The following PDZD4 variants were observed in gnomAD, a reference collection of about 807,000 sequenced individuals.
The protein encoded by PDZD4 is PDZ domain containing 4, also known as PDZ domain-containing protein 4.
A neutral mutation model predicts 38.5 loss-of-function variants in PDZD4; 9 were observed. The observed-to-expected ratio is 0.23, with a 90% CI of 0.14 to 0.41. PDZD4 has a LOEUF of 0.41. Ranked by LOEUF, PDZD4 falls within the 10% of genes least tolerant of loss-of-function variation. The probability of loss-of-function intolerance (pLI) is 1.00; values close to 1 mark genes in which losing one functional copy is unlikely to be tolerated. For missense variants in PDZD4, 612 were observed against 722.0 expected, an observed-to-expected ratio of 0.85 and a Z score of 1.75; for synonymous variants, 349 against 315.7, an observed-to-expected ratio of 1.11 and a Z score of -1.12.
chrX:153,806,772 G>C lies in PDZD4; in HGVS notation c.474C>G (p.Asp158Glu), dbSNP rs374407815. Residue 158 changes from aspartate to glutamate, a missense_variant, in exon 4 of 8, where the codon GAC (aspartate) becomes GAG (glutamate). Transcript: ENST00000393758. ...LGLMVCYRTD[D>E]EEDLGIYVGE... ...CGACATAAATGCCCAGGTCCTCCTCGTCGTCCGTGCGGTAGCAAACCATCA... is the reference window on the plus strand; with the variant it reads ...CGACATAAATGCCCAGGTCCTCCTCCTCGTCCGTGCGGTAGCAAACCATCA... The C allele has an allele frequency of 1.7e-6, 2 of 1,209,312 alleles. No individual in the cohort carries two copies. The highest frequency in any genetic ancestry group is 5.9e-5 in the East Asian group (2 of 33,750).
chrX:153,824,999 AAAC>A (rs782135132), intron 1 of PDZD4, among the ~76,000 whole-genome samples: 8 of 111,839 alleles, frequency 7.2e-5, no homozygotes, highest in Admixed American at 1.9e-4. Context: ...ACTCTGTCTC[AAAC>A]AACAACAACA....
chrX:153,803,413 G>A lies in PDZD4; in HGVS notation c.2268C>T (p.Gly756=). 1 of 1,144,839 alleles carries A rather than the reference G, an allele frequency of 8.7e-7. No homozygotes were observed. The highest frequency in any genetic ancestry group is 1.2e-6 in the Non-Finnish European group (1 of 864,607). The allele number at this position is 1,144,839 out of a possible 1,213,427, so 94.3% of individuals were successfully genotyped here. Residue 756 remains glycine, a synonymous_variant, in exon 8 of 8, where the codon GGC becomes GGT. Coordinates refer to ENST00000393758, the MANE Select transcript of PDZD4 (RefSeq NM_001303512.2). ...CCCGCTTGCCATCGGCGGAGCGCGC[G>A]CCGTGGGCCAGCATCTCCTGGATGG... ...WITIQEMLAH[G]ARSADGKRVY...
At chrX:153,809,790 G>A (rs1466181794) in intron 1 of PDZD4, among the ~76,000 whole-genome samples, 10 of 112,979 alleles carry the variant, frequency 8.9e-5, no homozygotes, top group Admixed American at 6.5e-4. Flanking sequence ...CAGGCTGCCC[G>A]GTGGCCAGAA....
At chrX:153,805,749 G>T in intron 5 of PDZD4, 143 bp from the exon 6 acceptor site, 1 of 505,813 alleles carries the variant, frequency 2.0e-6, no homozygotes, top group Non-Finnish European at 3.4e-6. Context: ...CTAAGTGGAA[G>T]GTACCAGGGA....
chrX:153,804,094 G>A lies in PDZD4; in HGVS notation c.1587C>T (p.Ser529=). 3 of 1,154,440 alleles carry A rather than the reference G, an allele frequency of 2.6e-6. No individual in the cohort carries two copies. Among genetic ancestry groups the A allele is most frequent in the East Asian group, 3.3e-5 (1 of 30,701 alleles). Residue 529 remains serine, a synonymous_variant, in exon 8 of 8, where the codon AGC becomes AGT. Coordinates refer to ENST00000393758, the MANE Select transcript of PDZD4 (RefSeq NM_001303512.2). ...GGGAGAGGGACCGGAACTTGGCGGG[G>A]CTCCCCGGTGGAGGAGCTGCCTTGG... ...TPAKAAPPPG[S]PAKFRSLSRD...
At chrX:153,811,373 G>C (rs1317570448) in intron 1 of PDZD4, among the ~76,000 whole-genome samples, 2 of 112,100 alleles carry the variant, frequency 1.8e-5, no homozygotes, top group Non-Finnish European at 3.8e-5. Flanking sequence ...CTGACCTCAA[G>C]TAATCCTCCT....
rs2092178075 is a variant in PDZD4, at chrX:153,802,408, G to A, written c.*945C>T. 8.9e-6 allele frequency: 1 copy of A among 111,893 alleles called. No homozygotes were observed. Among genetic ancestry groups the A allele is most frequent in the Non-Finnish European group, 1.9e-5 (1 of 53,118 alleles). 9.2% of individuals were successfully genotyped at this position (111,893 alleles called of 1,213,427 possible). The stretch of plus-strand genomic sequence containing the variant: ...TCCTCCCCAGGCCGCATGGCCCGAG[G>A]TCTTCCACTGCTGCTCATGGGGCTT... On this transcript the variant is annotated 3_prime_UTR_variant, in exon 8 of 8. Transcript: ENST00000393758.
chrX:153,821,485 C>A (rs1480853812), intron 1 of PDZD4, among the ~76,000 whole-genome samples: 2 of 108,171 alleles, frequency 1.8e-5, no homozygotes, highest in Admixed American at 9.8e-5. Flanking sequence ...AACAAACAAA[C>A]AAAAAAAACA....
chrX:153,807,227 C>A (rs1557077375), intron 3 of PDZD4, 52 bp downstream of exon 3: 55 of 1,149,957 alleles, frequency 4.8e-5, no homozygotes, highest in Non-Finnish European at 6.2e-5. Context: ...ACACAGGCGT[C>A]GGGGCGGCTC....
rs1018851084 is a variant in PDZD4, at chrX:153,803,113, C to A, written c.*240G>T. The A allele has an allele frequency of 1.0e-5, 3 of 289,391 alleles. No individual in the cohort carries two copies. The highest frequency in any genetic ancestry group is 1.8e-5 in the Non-Finnish European group (3 of 165,009). 23.8% of individuals were successfully genotyped at this position (289,391 alleles called of 1,213,427 possible). A position where few individuals can be genotyped will look rare whatever the true frequency, so the allele number is the denominator to read the frequency against. On this transcript the variant is annotated 3_prime_UTR_variant, in exon 8 of 8. Transcript: ENST00000393758. ...AGGGGTGCCCATCACAGGTGTGCCC[C>A]CAGTGCTGGCCACTGGCATGGTCAC...
intron 2 of PDZD4, chrX:153,807,984 C>T: frequency 9.9e-7 from 1 of 1,007,259 alleles, no homozygotes; most frequent in Non-Finnish European, 1.3e-6. Context: ...AAATTCAGAG[C>T]AGGTAGAGGA....
rs2092177863 is a variant in PDZD4, at chrX:153,802,389, CCAGGCCGCATGGCCCGAGGTCTTCCA to C, written c.*938_*963del. 1 of 112,045 alleles carries C rather than the reference CCAGGCCGCATGGCCCGAGGTCTTCCA, an allele frequency of 8.9e-6. No individual in the cohort carries two copies. The highest frequency in any genetic ancestry group is 1.9e-5 in the Non-Finnish European group (1 of 53,161). 9.2% of individuals were successfully genotyped at this position (112,045 alleles called of 1,213,427 possible). On this transcript the variant is annotated 3_prime_UTR_variant, in exon 8 of 8. Coordinates refer to ENST00000393758, the MANE Select transcript of PDZD4 (RefSeq NM_001303512.2). ...GTTGCGGATCGCCACCAAGTCCTCC[CCAGGCCGCATGGCCCGAGGTCTTCCA>C]CTGCTGCTCATGGGGCTTGGTTTCT...
chrX:153,804,622 C>T lies in PDZD4; in HGVS notation c.1059G>A (p.Pro353=), dbSNP rs201167481. ...EGAGLGGGDV[P]GLTDEEYERY... ...GCTCATACTCCTCATCCGTGAGGCC[C>T]GGGACGTCGCCCCCTCCCAGCCCCG... The change falls in exon 8 of 8, where the codon CCG becomes CCA. Residue 353 remains proline (P), a synonymous_variant. Coordinates refer to ENST00000393758, the MANE Select transcript of PDZD4 (RefSeq NM_001303512.2). 2.7e-5 allele frequency: 33 copies of T among 1,208,066 alleles called. No individual in the cohort carries two copies. Among genetic ancestry groups the T allele is most frequent in the South Asian group, 2.6e-4 (15 of 56,791 alleles).
In PDZD4 at chrX:153,804,502, C is replaced by T. The variant is rs1239180863; in HGVS notation, c.1179G>A (p.Leu393=). 6.6e-6 allele frequency: 8 copies of T among 1,210,323 alleles called. No homozygotes were observed. The highest frequency in any genetic ancestry group is 8.9e-6 in the Non-Finnish European group (8 of 895,521). Residue 393 remains leucine (L), a synonymous_variant, in exon 8 of 8, where the codon CTG becomes CTA. Transcript: ENST00000393758. ...CCAGGCTCTCGTTGCGGTTGACGTC[C>T]AGGGCGCTGTTGCCTCCGGAGGCCC... ...FPRASGGNSA[L]DVNRNESLGH... is the part of the protein sequence containing the mutation.
intron 1 of PDZD4, among the ~76,000 whole-genome samples, chrX:153,822,203 A>C (rs1224853094): frequency 3.9e-5 from 4 of 103,499 alleles, no homozygotes; most frequent in Non-Finnish European, 7.9e-5. Context: ...AAAAAAAAAA[A>C]AAACACACAG....
In PDZD4 at chrX:153,808,590, G is replaced by T. The variant is rs1349219436; in HGVS notation, c.66C>A (p.Asn22Lys). Residue 22 changes from asparagine to lysine, a missense_variant, in exon 2 of 8, where the codon AAC (asparagine) becomes AAA (lysine). By Grantham distance (94) the Asn-to-Lys change is moderately conservative (BLOSUM62 0). Coordinates refer to ENST00000393758, the MANE Select transcript of PDZD4 (RefSeq NM_001303512.2). ...EEQYKVMLQV[N>K]GKELSKLSQE... is the part of the protein sequence containing the mutation. ...GAGACAGCTTGGAGAGCTCCTTCCCGTTCACCTGCGGCAGAGACACGCCTC... is the reference window on the plus strand; with the variant it reads ...GAGACAGCTTGGAGAGCTCCTTCCCTTTCACCTGCGGCAGAGACACGCCTC... 2 of 1,161,486 alleles carry T rather than the reference G, an allele frequency of 1.7e-6. No homozygotes were observed. Among genetic ancestry groups the T allele is most frequent in the Non-Finnish European group, 2.3e-6 (2 of 870,044 alleles).
chrX:153,805,527 A>G lies in PDZD4; in HGVS notation c.647T>C (p.Leu216Pro). 1 of 1,210,535 alleles carries G rather than the reference A, an allele frequency of 8.3e-7. No individual in the cohort carries two copies. The stretch of plus-strand genomic sequence containing the variant: ...CACCTGACTCTCAGGTCGGGCCACC[A>G]GCAGGGAGATGTTGGTGTTCTCTTC... ...SQEENTNISL[L>P]VARPESQLAK... Residue 216 changes from leucine to proline, a missense_variant, in exon 6 of 8, where the codon CTG becomes CCG. Transcript: ENST00000393758.
intron 1 of PDZD4, 31 bp downstream of exon 1, chrX:153,830,208 C>T (rs2064527616): frequency 1.7e-6 from 2 of 1,181,240 alleles, no homozygotes; most frequent in Non-Finnish European, 1.1e-6. Context: ...CGCGGAGGGC[C>T]GCGCCCCCGC....
intron 1 of PDZD4, among the ~76,000 whole-genome samples, chrX:153,822,116 G>A (rs1234505546): frequency 9.5e-6 from 1 of 104,833 alleles, no homozygotes; most frequent in Non-Finnish European, 2.0e-5. Flanking sequence ...GAACCCAGGA[G>A]GCGGAGGCTG....
Sources: allele counts gnomAD v4.1 joint callset (sites outside exome capture counted in the v4.1 genomes callset), GRCh38; gene constraint gnomAD v4.1.1; transcripts MANE v1.5; gene names NCBI Gene and HGNC (gene_info 2026-07-23, HGNC 2026-07-21).